Variants in TNIP2 observed in about 807,000 individuals in gnomAD.
TNIP2 encodes the protein TNFAIP3-interacting protein 2.
TNIP2 carries 30 observed loss-of-function variants against 43.7 expected under a neutral mutation model. The observed-to-expected ratio is 0.69, with a 90% CI of 0.51 to 0.93. The LOEUF (loss-of-function observed/expected upper bound fraction) is 0.93, where lower values mean the gene tolerates loss of function less well. Among genes scored for constraint, TNIP2 ranks in the 40% least tolerant of loss-of-function variants. The probability of loss-of-function intolerance (pLI) is 0.00; values close to 1 mark genes in which losing one functional copy is unlikely to be tolerated. For missense variants in TNIP2, 599 were observed against 591.0 expected, an observed-to-expected ratio of 1.01 and a Z score of -0.14; for synonymous variants, 260 against 254.6, an observed-to-expected ratio of 1.02 and a Z score of -0.20.
chr4:2,756,118 C>T lies in TNIP2; in HGVS notation c.172G>A (p.Asp58Asn). Residue 58 changes from aspartate (D) to asparagine (N), a missense_variant, in exon 1 of 6, where the codon GAC (aspartate) becomes AAC (asparagine). By Grantham distance (23) the Asp-to-Asn change is conservative. Transcript: ENST00000315423. ...GCGTCCACTAGGGACGGCGCGGCGT[C>T]CCCCTCCAGCGCGGCCAGGCGGGCG... ...LRARLAALEG[D>N]AAPSLVDALL... The T allele has an allele frequency of 2.0e-6, 3 of 1,480,112 alleles. No homozygotes were observed. The highest frequency in any genetic ancestry group is 2.9e-5 in the East Asian group (1 of 34,276). 91.7% of individuals were successfully genotyped at this position (1,480,112 alleles called of 1,614,324 possible).
intron 1 of TNIP2, among the ~76,000 whole-genome samples, chr4:2,755,267 ATACACAC>A (rs1722200483): frequency 1.3e-5 from 2 of 151,792 alleles, no homozygotes; most frequent in Non-Finnish European, 2.9e-5. Context: ...CAACCGGAAC[ATACACAC>A]TACACAATAC....
At chr4:2,754,411 T>G (rs1394102660) in intron 1 of TNIP2, among the ~76,000 whole-genome samples, 1 of 152,220 alleles carries the variant, frequency 6.6e-6, no homozygotes, top group Non-Finnish European at 1.5e-5. Flanking sequence ...AAGTCAGGAT[T>G]TGCGTCTTTT....
At position 2,742,433 on chromosome 4, in the gene TNIP2, G is replaced by T; in HGVS notation, c.1114C>A (p.Pro372Thr). 1 of 1,612,934 alleles carries T rather than the reference G, an allele frequency of 6.2e-7. No individual in the cohort carries two copies. The highest frequency in any genetic ancestry group is 1.3e-5 in the African/African-American group (1 of 75,020). ...LAADALELMV[P>T]GGWRPGTGSQ... ...CCAGTCCCAGGCCTCCAGCCACCAGGCACCATAAGCTCTAATGCGTCGGCG... is the reference window on the plus strand; with the variant it reads ...CCAGTCCCAGGCCTCCAGCCACCAGTCACCATAAGCTCTAATGCGTCGGCG... The change falls in exon 6 of 6, where the codon CCT becomes ACT. Residue 372 changes from proline (P) to threonine (T), a missense_variant. Coordinates refer to ENST00000315423, the MANE Select transcript of TNIP2 (RefSeq NM_024309.4).
At chr4:2,742,801 A>C (rs1322929009) in intron 5 of TNIP2, among the ~76,000 whole-genome samples, 1 of 152,204 alleles carries the variant, frequency 6.6e-6, no homozygotes, top group African/African-American at 2.4e-5. Flanking sequence ...TATCGGCCCC[A>C]GGAGACCTGA....
chr4:2,755,985 C>T (rs1477538042), intron 1 of TNIP2, 29 bp downstream of exon 1: 3 of 1,523,658 alleles, frequency 2.0e-6, no homozygotes, highest in South Asian at 1.2e-5. Context: ...CTCTCGCTCC[C>T]GCAGCTCCTC....
intron 2 of TNIP2, among the ~76,000 whole-genome samples, chr4:2,746,748 C>T (rs1014522818): frequency 2.0e-5 from 3 of 152,214 alleles, no homozygotes; most frequent in Non-Finnish European, 4.4e-5. Context: ...CCCGGCAGTG[C>T]GAGTGAGATG....
chr4:2,746,665 C>T (rs1407573231), intron 2 of TNIP2, among the ~76,000 whole-genome samples: 1 of 152,222 alleles, frequency 6.6e-6, no homozygotes, highest in African/African-American at 2.4e-5. Context: ...CATCCCAGCG[C>T]GTGTGTTTCT....
At chr4:2,743,939 G>A (rs1283134381) in intron 5 of TNIP2, among the ~76,000 whole-genome samples, 1 of 152,132 alleles carries the variant, frequency 6.6e-6, no homozygotes, top group Non-Finnish European at 1.5e-5. Flanking sequence ...GTGGGGTGAG[G>A]GGCCCCTGCC....
At chr4:2,750,739 C>T (rs1405718091) in intron 1 of TNIP2, among the ~76,000 whole-genome samples, 2 of 151,040 alleles carry the variant, frequency 1.3e-5, no homozygotes, top group African/African-American at 4.9e-5. Context: ...GTCTTGAACT[C>T]CTGGCCTCAA....
intron 5 of TNIP2, among the ~76,000 whole-genome samples, chr4:2,743,865 G>A (rs1018710892): frequency 2.0e-5 from 3 of 152,160 alleles, no homozygotes; most frequent in South Asian, 2.1e-4. Flanking sequence ...GAACTTCATC[G>A]GTTCCCATTC....
chr4:2,752,507 G>C (rs1345481255), intron 1 of TNIP2, among the ~76,000 whole-genome samples: 1 of 152,148 alleles, frequency 6.6e-6, no homozygotes, highest in Non-Finnish European at 1.5e-5. Flanking sequence ...TCCACATTCT[G>C]AGCCTCAGCA....
intron 1 of TNIP2, 35 bp downstream of exon 1, chr4:2,755,979 C>A: frequency 1.3e-6 from 2 of 1,514,828 alleles, no homozygotes; most frequent in African/African-American, 1.4e-5. Flanking sequence ...CACGCACTCT[C>A]GCTCCCGCAG....
At chr4:2,749,955 T>C (rs545416243) in intron 1 of TNIP2, among the ~76,000 whole-genome samples, 32 of 152,240 alleles carry the variant, frequency 2.1e-4, no homozygotes, top group African/African-American at 7.2e-4. Flanking sequence ...GGATTACAAG[T>C]GCATGCCACC....
Position 2,744,737 on chromosome 4 carries a change from C to T in TNIP2, c.866G>A (p.Arg289Gln), listed in dbSNP as rs779243296. 7.5e-6 allele frequency: 12 copies of T among 1,606,776 alleles called. No individual in the cohort carries two copies. The highest frequency in any genetic ancestry group is 2.7e-5 in the African/African-American group (2 of 74,950). Residue 289 changes from arginine to glutamine, a missense_variant, in exon 4 of 6, where the codon CGG becomes CAG. Arg to Gln is a conservative substitution (Grantham distance 43). Transcript: ENST00000315423. This position sits in a 1 kb window ranked among gnomAD's most constrained non-coding sequence, Gnocchi z 5.1. ...KQELAASRTA[R>Q]DAALERVQML... ...CTGCACCCGCTCCAACGCAGCATCC[C>T]GGGCCGTCCTGGAGGCCGCCAGCTC...
intron 1 of TNIP2, among the ~76,000 whole-genome samples, chr4:2,748,530 G>A (rs2109486868): frequency 6.6e-6 from 1 of 152,022 alleles, no homozygotes; most frequent in African/African-American, 2.4e-5. Context: ...TTTTAGTAGA[G>A]ATGGGGTTTC....
chr4:2,753,674 C>A (rs1468516318), intron 1 of TNIP2, among the ~76,000 whole-genome samples: 1 of 152,186 alleles, frequency 6.6e-6, no homozygotes, highest in East Asian at 1.9e-4. Context: ...GAGGTCCCTG[C>A]ATCCTGTCCC....
chr4:2,747,603 T>A, intron 2 of TNIP2, 52 bp downstream of exon 2: 1 of 1,546,376 alleles, frequency 6.5e-7, no homozygotes, highest in South Asian at 1.2e-5. Flanking sequence ...CTGTAGGCGA[T>A]GCTCCCAGCA....
chr4:2,743,327 G>C (rs963032777), intron 5 of TNIP2, among the ~76,000 whole-genome samples: 1 of 152,168 alleles, frequency 6.6e-6, no homozygotes, highest in Non-Finnish European at 1.5e-5. Flanking sequence ...ATCTGGGCCT[G>C]CAAGTCTGGA....
chr4:2,751,690 T>G (rs751326745), intron 1 of TNIP2, among the ~76,000 whole-genome samples: 1 of 151,718 alleles, frequency 6.6e-6, no homozygotes, highest in Non-Finnish European at 1.5e-5. Context: ...GGAGGATCAC[T>G]TAAGCCCAGG....
Sources: allele counts gnomAD v4.1 joint callset (sites outside exome capture counted in the v4.1 genomes callset), GRCh38; gene constraint gnomAD v4.1.1; non-coding constraint Gnocchi (gnomAD v3.1); transcripts MANE v1.5; gene names NCBI Gene and HGNC (gene_info 2026-07-23, HGNC 2026-07-21).